ZNF385D: variants seen among roughly 807,000 people sequenced by gnomAD.
ZNF385D encodes the protein zinc finger protein 659.
Under a neutral mutation model 35.8 loss-of-function variants are expected in ZNF385D, and 15 were observed. The ratio of observed to expected loss-of-function variants is 0.42; its 90% confidence interval spans 0.28 to 0.64. The LOEUF (loss-of-function observed/expected upper bound fraction) is 0.64. Ranked by LOEUF, ZNF385D falls within the 30% of genes least tolerant of loss-of-function variation. ZNF385D has a pLI of 0.23. For missense variants in ZNF385D, 474 were observed against 494.6 expected (o/e 0.96, Z 0.39); for synonymous variants, 212 against 186.8 (o/e 1.13, Z -1.10).
chr3:21,493,706 C>T (rs1453162829), intron 4 of ZNF385D, among the ~76,000 whole-genome samples: 4 of 151,936 alleles, frequency 2.6e-5, no homozygotes, highest in African/African-American at 7.3e-5. Context: ...TCAAGCAATC[C>T]TCCCATCTCT....
intron 2 of ZNF385D, among the ~76,000 whole-genome samples, chr3:22,314,415 CTCCAA>C (rs1341352804): frequency 6.6e-6 from 1 of 152,142 alleles, no homozygotes; most frequent in Non-Finnish European, 1.5e-5. Context: ...GAATAATAGT[CTCCAA>C]TCCCATCCAG....
In ZNF385D at chr3:22,331,978, G is replaced by A. The variant is rs1350498580; in HGVS notation, c.106+40472C>T. Among the ~76,000 whole-genome samples, 25 of 152,010 alleles carry A rather than the reference G, an allele frequency of 1.6e-4. 1 individual carries two copies. Among genetic ancestry groups the A allele is most frequent in the Admixed American group, 1.6e-3 (25 of 15,262 alleles). ...AATATCACTTATTAGATTTTTACTTGAAACTTAATAGTTTCAAGTAATATA... is the reference window on the plus strand; with the variant it reads ...AATATCACTTATTAGATTTTTACTTAAAACTTAATAGTTTCAAGTAATATA... On this transcript the variant is annotated intron_variant, in intron 2 of 5. Coordinates refer to the ZNF385D transcript ENST00000494108.
intron 3 of ZNF385D, among the ~76,000 whole-genome samples, chr3:22,153,574 G>T (rs1705403403): frequency 6.8e-6 from 1 of 148,028 alleles, no homozygotes; most frequent in African/African-American, 2.5e-5. Flanking sequence ...AGCAATTCTT[G>T]TGTCTCAGCC....
intron 3 of ZNF385D, among the ~76,000 whole-genome samples, chr3:21,886,628 T>C (rs994410654): frequency 6.6e-6 from 1 of 152,066 alleles, no homozygotes; most frequent in Non-Finnish European, 1.5e-5. Context: ...AAATGCTACA[T>C]TGTCTGTACT....
chr3:21,858,920 A>G (rs1395892893), intron 3 of ZNF385D, among the ~76,000 whole-genome samples: 1 of 152,058 alleles, frequency 6.6e-6, no homozygotes, highest in Non-Finnish European at 1.5e-5. Flanking sequence ...CCAATCTGTA[A>G]ATGCCACATG....
intron 2 of ZNF385D, among the ~76,000 whole-genome samples, chr3:22,210,224 C>G (rs1297661082): frequency 6.6e-6 from 1 of 151,822 alleles, no homozygotes; most frequent in East Asian, 1.9e-4. Context: ...GATATAGCTT[C>G]AAATGTTAAA....
intron 2 of ZNF385D, among the ~76,000 whole-genome samples, chr3:22,288,174 T>G (rs1702122889): frequency 6.6e-6 from 1 of 152,104 alleles, no homozygotes; most frequent in African/African-American, 2.4e-5. Context: ...TCTCTTGCTG[T>G]TTTCAAAATT....
intron 4 of ZNF385D, among the ~76,000 whole-genome samples, chr3:21,478,062 G>A (rs993825496): frequency 6.6e-6 from 1 of 152,070 alleles, no homozygotes; most frequent in African/African-American, 2.4e-5. Context: ...TTTTGTTCAG[G>A]AAGGAGTATT....
At chr3:21,693,310 C>T (rs564677904) in intron 1 of ZNF385D, among the ~76,000 whole-genome samples, 5 of 152,182 alleles carry the variant, frequency 3.3e-5, no homozygotes, top group Non-Finnish European at 7.3e-5. Flanking sequence ...TCCACAGCAA[C>T]GCAGAGGAAC....
At chr3:21,888,047 T>C (rs867680971) in intron 3 of ZNF385D, among the ~76,000 whole-genome samples, 1 of 151,346 alleles carries the variant, frequency 6.6e-6, no homozygotes, top group Non-Finnish European at 1.5e-5. Flanking sequence ...GTTTACTTTC[T>C]TTTCCCCCTT....
chr3:21,578,998 TA>T (rs2125699318), intron 2 of ZNF385D, among the ~76,000 whole-genome samples: 1 of 152,344 alleles, frequency 6.6e-6, no homozygotes, highest in Non-Finnish European at 1.5e-5. Context: ...CATCAGCACT[TA>T]GAGTCTTAGT....
chr3:21,960,544 AAAAAT>A (rs1161552501), intron 3 of ZNF385D, among the ~76,000 whole-genome samples: 1 of 152,126 alleles, frequency 6.6e-6, no homozygotes, highest in African/African-American at 2.4e-5. Context: ...TCAAAAAACT[AAAAAT>A]AAAACTACCA....
At chr3:21,657,986 TGAA>T (rs564636764) in intron 2 of ZNF385D, among the ~76,000 whole-genome samples, 202 of 152,022 alleles carry the variant, frequency 1.3e-3, no homozygotes, top group Middle Eastern at 3.4e-3. Flanking sequence ...ATTTTAAAGA[TGAA>T]GGAGACAAAG....
intron 4 of ZNF385D, among the ~76,000 whole-genome samples, chr3:21,483,172 AAATCCT>A (rs1704761401): frequency 6.6e-6 from 1 of 152,154 alleles, no homozygotes; most frequent in Non-Finnish European, 1.5e-5. Flanking sequence ...CTCCAACCCT[AAATCCT>A]GGGAACTATG....
chr3:22,236,273 T>G (rs1375870404), intron 2 of ZNF385D, among the ~76,000 whole-genome samples: 2 of 152,276 alleles, frequency 1.3e-5, no homozygotes, highest in African/African-American at 4.8e-5. Flanking sequence ...TGCTTATATA[T>G]AGAAGCATTT....
At chr3:21,471,981 G>C (rs1342532140) in intron 4 of ZNF385D, among the ~76,000 whole-genome samples, 1 of 152,114 alleles carries the variant, frequency 6.6e-6, no homozygotes, top group Non-Finnish European at 1.5e-5. Context: ...GAGAAAATTT[G>C]TGTTTATGTG....
intron 2 of ZNF385D, among the ~76,000 whole-genome samples, chr3:22,297,216 A>G (rs4557183): frequency 0.36 from 54,075 of 151,890 alleles, 10,895 homozygotes; most frequent in African/African-American, 0.56. Context: ...TGTGACAATC[A>G]ACCCCTTTAT....
chr3:21,924,190 T>G (rs1269981622), intron 3 of ZNF385D, among the ~76,000 whole-genome samples: 1 of 152,170 alleles, frequency 6.6e-6, no homozygotes, highest in Non-Finnish European at 1.5e-5. Flanking sequence ...TTTCCCTATT[T>G]CTACCACTAA....
intron 2 of ZNF385D, among the ~76,000 whole-genome samples, chr3:22,237,802 C>A (rs886933137): frequency 6.6e-6 from 1 of 151,996 alleles, no homozygotes; most frequent in Admixed American, 6.6e-5. Flanking sequence ...CACCACCATG[C>A]CTGGCTAATT....
Sources: allele counts gnomAD v4.1 joint callset (sites outside exome capture counted in the v4.1 genomes callset), GRCh38; gene constraint gnomAD v4.1.1; transcripts MANE v1.5; gene names NCBI Gene and HGNC (gene_info 2026-07-23, HGNC 2026-07-21).